Variants in TRAK1 observed in about 807,000 individuals in gnomAD.
The protein encoded by TRAK1 is trafficking kinesin protein 1.
In TRAK1, 33 loss-of-function variants were observed where a neutral mutation model predicts 92.1. That is an observed-to-expected ratio of 0.36 (90% CI 0.27 to 0.48). The LOEUF (loss-of-function observed/expected upper bound fraction) is 0.48. Among genes scored for constraint, TRAK1 ranks in the 20% least tolerant of loss-of-function variants. TRAK1 has a pLI of 0.99. For synonymous variants in TRAK1, 521 were observed against 517.3 expected (o/e 1.01, Z -0.10); for missense variants, 1,123 against 1,257.9 (o/e 0.89, Z 1.62).
intron 2 of TRAK1, among the ~76,000 whole-genome samples, chr3:42,132,533 A>G (rs1010868404): frequency 2.0e-5 from 3 of 152,140 alleles, no homozygotes; most frequent in African/African-American, 7.2e-5. Context: ...ACAAAGTGCT[A>G]GGATTATAGG....
At chr3:42,026,554 TCA>T (rs937203106) in intron 1 of TRAK1, among the ~76,000 whole-genome samples, 6 of 148,366 alleles carry the variant, frequency 4.0e-5, no homozygotes, top group African/African-American at 1.5e-4. Flanking sequence ...AGACAGAGTC[TCA>T]CTCTGTTGCC....
intron 6 of TRAK1, among the ~76,000 whole-genome samples, chr3:42,191,140 C>A (rs1231838424): frequency 6.6e-6 from 1 of 152,136 alleles, no homozygotes; most frequent in Non-Finnish European, 1.5e-5. Flanking sequence ...AAGTGTTAGC[C>A]ATTCCTGTGT....
At chr3:42,053,271 G>A (rs1703053716) in intron 1 of TRAK1, among the ~76,000 whole-genome samples, 1 of 150,346 alleles carries the variant, frequency 6.7e-6, no homozygotes, top group African/African-American at 2.4e-5. Context: ...CTCATTTTCC[G>A]TGTGAAGAAA....
intron 1 of TRAK1, among the ~76,000 whole-genome samples, chr3:42,101,096 G>C (rs1341220701): frequency 6.6e-6 from 1 of 152,210 alleles, no homozygotes; most frequent in Non-Finnish European, 1.5e-5. Context: ...TCTGAGGATT[G>C]GCTTTGTTTG....
At chr3:42,185,034 G>T in intron 4 of TRAK1, 1 of 510,688 alleles carries the variant, frequency 2.0e-6, no homozygotes, top group Non-Finnish European at 3.5e-6. Context: ...AGGCCATGTG[G>T]ATGGGATGGC....
intron 1 of TRAK1, among the ~76,000 whole-genome samples, chr3:42,100,369 T>C (rs1706574053): frequency 6.6e-6 from 1 of 152,104 alleles, no homozygotes; most frequent in Non-Finnish European, 1.5e-5. Flanking sequence ...ACCTTGTCTT[T>C]CTTAAATAAA....
rs527621904 is a variant in TRAK1, at chr3:42,219,772, T to G, written c.2066+176T>G. ...TTGTTCTGGGTCCCATCCTTCCTTT[T>G]GTTGTTGTTATGTGTTTTTTTTTTT... is the stretch of plus-strand genomic sequence containing the variant. On this transcript the variant is annotated intron_variant, in intron 15 of 15. Coordinates refer to ENST00000327628, the MANE Select transcript of TRAK1 (RefSeq NM_001042646.3). 6.0e-5 allele frequency among the ~76,000 whole-genome samples: 9 copies of G among 150,346 alleles called. No individual in the cohort carries two copies. The East Asian group carries it at 1.4e-3, about 23-fold the overall frequency.
At chr3:42,179,354 A>G (rs976971521) in intron 3 of TRAK1, among the ~76,000 whole-genome samples, 5 of 152,130 alleles carry the variant, frequency 3.3e-5, no homozygotes, top group Non-Finnish European at 5.9e-5. Context: ...TATGATTTCC[A>G]TGCCTGCCAC....
chr3:42,106,252 A>G (rs1707551744), intron 1 of TRAK1, among the ~76,000 whole-genome samples: 1 of 152,226 alleles, frequency 6.6e-6, no homozygotes, highest in South Asian at 2.1e-4. Flanking sequence ...AAGACCCATC[A>G]GTGTGCTGTA....
intron 3 of TRAK1, among the ~76,000 whole-genome samples, chr3:42,184,029 T>G (rs957058889): frequency 6.6e-6 from 1 of 152,266 alleles, no homozygotes; most frequent in Non-Finnish European, 1.5e-5. Flanking sequence ...GATGGCAATT[T>G]TATGCATAAC....
chr3:42,201,996 A>AACAG (rs1003785008), intron 12 of TRAK1, among the ~76,000 whole-genome samples: 1 of 151,734 alleles, frequency 6.6e-6, no homozygotes, highest in African/African-American at 2.4e-5. Flanking sequence ...GACCAGTTGG[A>AACAG]ACAGACAGAC....
At chr3:42,163,805 G>C (rs1038478985) in intron 2 of TRAK1, among the ~76,000 whole-genome samples, 7 of 152,136 alleles carry the variant, frequency 4.6e-5, no homozygotes, top group Admixed American at 4.6e-4. Flanking sequence ...ATTACTGTCT[G>C]TTCTCTCCTT....
chr3:42,125,694 A>C (rs563665836), intron 2 of TRAK1, 80 bp downstream of exon 2: 1 of 1,502,274 alleles, frequency 6.7e-7, no homozygotes, highest in Non-Finnish European at 9.1e-7. Context: ...AAGATCTTGT[A>C]CTGGCTACCC....
chr3:42,125,374 C>G (rs1322934822), intron 1 of TRAK1, 46 bp from the exon 2 acceptor site: 1 of 1,583,518 alleles, frequency 6.3e-7, no homozygotes, highest in East Asian at 2.2e-5. Context: ...AGCAGCAAGG[C>G]CATAGCCATT....
intron 2 of TRAK1, among the ~76,000 whole-genome samples, chr3:42,163,744 C>A (rs1047480880): frequency 2.6e-5 from 4 of 152,118 alleles, no homozygotes; most frequent in African/African-American, 9.7e-5. Flanking sequence ...GCCTTATAAT[C>A]GGATTCAAGG....
At chr3:42,051,963 C>T (rs28759206) in intron 1 of TRAK1, among the ~76,000 whole-genome samples, 21,149 of 152,182 alleles carry the variant, frequency 0.14, 2,098 homozygotes, top group African/African-American at 0.27. Flanking sequence ...TACCCAGTGA[C>T]GTGACTCATT....
chr3:42,222,941 G>T lies in TRAK1; in HGVS notation c.2067-1G>T. On this transcript the variant is annotated splice_acceptor_variant, in intron 15 of 15. Coordinates refer to ENST00000327628, the MANE Select transcript of TRAK1 (RefSeq NM_001042646.3). LOFTEE classifies it high-confidence loss of function. ...GAATAACCTGTCATTTCTTCTTTCA[G>T]CCTTAACTCAGCCCCAACTCCAGCT... 1 of 1,611,244 alleles carries T rather than the reference G, an allele frequency of 6.2e-7. No individual in the cohort carries two copies. Among genetic ancestry groups the T allele is most frequent in the Non-Finnish European group, 8.5e-7 (1 of 1,178,010 alleles).
intron 1 of TRAK1, among the ~76,000 whole-genome samples, chr3:42,072,956 T>G (rs1029615600): frequency 2.0e-5 from 3 of 152,194 alleles, no homozygotes; most frequent in Non-Finnish European, 4.4e-5. Context: ...GGTTTAGCCT[T>G]AAAAGTGGCA....
At chr3:42,093,561 C>T (rs1258000952) in intron 1 of TRAK1, among the ~76,000 whole-genome samples, 1 of 150,866 alleles carries the variant, frequency 6.6e-6, no homozygotes, top group Non-Finnish European at 1.5e-5. Context: ...TTATCTTCTC[C>T]TAACTGGTTT....
Sources: gnomAD v4.1 joint callset for allele counts (sites outside exome capture counted in the v4.1 genomes callset) on GRCh38, gnomAD v4.1.1 for gene constraint, MANE v1.5 for transcripts, NCBI Gene and HGNC (gene_info 2026-07-23, HGNC 2026-07-21) for gene names.